The following HSD11B1L variants were observed in gnomAD, a reference collection of about 807,000 sequenced individuals.
The protein encoded by HSD11B1L is hydroxysteroid 11-beta dehydrogenase 1 like, also known as hydroxysteroid 11-beta-dehydrogenase 1-like protein.
In HSD11B1L, 22 loss-of-function variants were observed where a neutral mutation model predicts 27.0. That is an observed-to-expected ratio of 0.81 (90% CI 0.58 to 1.16). HSD11B1L has a LOEUF of 1.16. Ranked by LOEUF, HSD11B1L falls within the 50% of genes most tolerant of loss-of-function variation. The probability of loss-of-function intolerance (pLI) is 0.00; values close to 1 mark genes in which losing one functional copy is unlikely to be tolerated. For missense variants in HSD11B1L, 372 were observed against 401.8 expected (o/e 0.93, Z 0.63); for synonymous variants, 187 against 189.2 (o/e 0.99, Z 0.09).
chr19:5,687,814 GGC>G lies in HSD11B1L; in HGVS notation c.733_734del (p.Ala245HisfsTer72). 6.5e-7 allele frequency: 1 copy of G among 1,532,580 alleles called. No homozygotes were observed. Among genetic ancestry groups the G allele is most frequent in the Non-Finnish European group, 8.7e-7 (1 of 1,143,074 alleles). The allele number at this position is 1,532,580 out of a possible 1,614,324, so 94.9% of individuals were successfully genotyped here. A position where few individuals can be genotyped will look rare whatever the true frequency, so the allele number is the denominator to read the frequency against. The stretch of plus-strand genomic sequence containing the variant: ...GGCAGCCCTGGCCGTGATCCGCGGC[GGC>G]GCCACGCGCGCGGCCGGCGTCTTCT... ...PKAALAVIRG[G>X]ATRAAGVFYP... On this transcript the variant is annotated frameshift_variant, in exon 8 of 8. Coordinates refer to ENST00000339423, the MANE Select transcript of HSD11B1L (RefSeq NM_198706.3). LOFTEE classifies it high-confidence loss of function. This position sits in a 1 kb window ranked among gnomAD's most constrained non-coding sequence, Gnocchi z 6.6.
chr19:5,687,866 G>A lies in HSD11B1L; in HGVS notation c.782G>A (p.Cys261Tyr), dbSNP rs1427101641. 5.7e-6 allele frequency: 9 copies of A among 1,580,092 alleles called. No individual in the cohort carries two copies. Among genetic ancestry groups the A allele is most frequent in the Admixed American group, 1.7e-5 (1 of 57,272 alleles). The change falls in exon 8 of 8, where the codon TGC becomes TAC. Residue 261 changes from cysteine (C) to tyrosine (Y), a missense_variant. Cys to Tyr is a radical substitution (Grantham distance 194, BLOSUM62 -2). Transcript: ENST00000339423. The surrounding 1 kb of genome is among the most constrained non-coding windows in gnomAD (Gnocchi z 6.6). Reference sequence around the variant, plus strand: ...TACCCGTGGCGTTTCCGCCTGCTGTGCTTGCTCCGGCGCTGGCTACCGCGC... The same window carrying A: ...TACCCGTGGCGTTTCCGCCTGCTGTACTTGCTCCGGCGCTGGCTACCGCGC... Reference protein sequence around the residue: ...VFYPWRFRLLCLLRRWLPRPR... With the variant: ...VFYPWRFRLLYLLRRWLPRPR...
At position 5,688,127 on chromosome 19, in the gene HSD11B1L, G is replaced by A. The variant is rs2054760155; in HGVS notation, c.*182G>A. 3.2e-6 allele frequency: 5 copies of A among 1,551,174 alleles called. No individual in the cohort carries two copies. Among genetic ancestry groups the A allele is most frequent in the Non-Finnish European group, 4.4e-6 (5 of 1,147,002 alleles). On this transcript the variant is annotated 3_prime_UTR_variant, in exon 8 of 8. Transcript: ENST00000339423. ...CCTGGAACCAGTCACGGCTTGGGAG[G>A]TGCAGGTGCCCCGTGTTAGGCGCCT...
intron 1 of HSD11B1L, among the ~76,000 whole-genome samples, chr19:5,682,437 G>A (rs1459404330): frequency 6.6e-6 from 1 of 152,096 alleles, no homozygotes. Flanking sequence ...GAGAGGAAGG[G>A]ACAGCTGGGG....
intron 1 of HSD11B1L, among the ~76,000 whole-genome samples, chr19:5,682,092 T>G (rs983036514): frequency 2.6e-5 from 4 of 152,158 alleles, no homozygotes; most frequent in Admixed American, 6.5e-5. Flanking sequence ...GATTCATAGA[T>G]GGGGCCGTGG....
At chr19:5,686,802 C>G (rs983165081) in intron 4 of HSD11B1L, 98 bp from the exon 5 acceptor site, 4 of 1,049,572 alleles carry the variant, frequency 3.8e-6, no homozygotes, top group Non-Finnish European at 4.1e-6. Context: ...GGGCGGAGCT[C>G]GCTGGACCAG....
At position 5,685,405 on chromosome 19, in the gene HSD11B1L, G is replaced by C; in HGVS notation, c.204+286G>C. On this transcript the variant is annotated intron_variant, in intron 3 of 7. Transcript: ENST00000339423. The surrounding 1 kb of genome is among the most constrained non-coding windows in gnomAD (Gnocchi z 4.3). Reference sequence around the variant, plus strand: ...AGCCTGGCCAACATGGCGAAACCTGGTCTCTACTAAGAAGACAAAAATTAG... The same window carrying C: ...AGCCTGGCCAACATGGCGAAACCTGCTCTCTACTAAGAAGACAAAAATTAG... 1.9e-6 allele frequency: 1 copy of C among 536,804 alleles called. No individual in the cohort carries two copies. The highest frequency in any genetic ancestry group is 3.5e-6 in the Non-Finnish European group (1 of 284,134). The allele number at this position is 536,804 out of a possible 1,614,324, so 33.3% of individuals were successfully genotyped here. A position where few individuals can be genotyped will look rare whatever the true frequency, so the allele number is the denominator to read the frequency against.
At position 5,687,097 on chromosome 19, in the gene HSD11B1L, C is replaced by T; in HGVS notation, c.408+106C>T. ...CCTTCTCCAGGGAGGGCTCTCCACC[C>T]GTCCCGCCCCAGCCACGCCCCTCCT... On this transcript the variant is annotated intron_variant, in intron 5 of 7. Transcript: ENST00000339423. This position sits in a 1 kb window ranked among gnomAD's most constrained non-coding sequence, Gnocchi z 6.6. 8.6e-7 allele frequency: 1 copy of T among 1,167,454 alleles called. No homozygotes were observed. Among genetic ancestry groups the T allele is most frequent in the Non-Finnish European group, 1.2e-6 (1 of 826,078 alleles). 72.3% of individuals were successfully genotyped at this position (1,167,454 alleles called of 1,614,324 possible).
At chr19:5,683,962 A>G in intron 1 of HSD11B1L, 1 of 408,008 alleles carries the variant, frequency 2.5e-6, no homozygotes. Context: ...GAAGGAGGTC[A>G]CTGTTCTTTT....
chr19:5,687,995 A>G lies in HSD11B1L; in HGVS notation c.*50A>G. 3 of 1,551,490 alleles carry G rather than the reference A, an allele frequency of 1.9e-6. No homozygotes were observed. Among genetic ancestry groups the G allele is most frequent in the Non-Finnish European group, 1.7e-6 (2 of 1,147,032 alleles). ...CCAGACGGCAATGTTCCTCCCTCCA[A>G]CTGTCCCTGGAGCCAGAACACTCAC... On this transcript the variant is annotated 3_prime_UTR_variant, in exon 8 of 8. Coordinates refer to ENST00000339423, the MANE Select transcript of HSD11B1L (RefSeq NM_198706.3). The surrounding 1 kb of genome is among the most constrained non-coding windows in gnomAD (Gnocchi z 6.6).
chr19:5,684,053 A>G (rs2145545052), intron 1 of HSD11B1L: 1 of 484,698 alleles, frequency 2.1e-6, no homozygotes, highest in Non-Finnish European at 3.7e-6. Context: ...TCGGCACACT[A>G]CAACTTCTGC....
Position 5,685,253 on chromosome 19 carries a change from C to A in HSD11B1L, c.204+134C>A. 8.3e-7 allele frequency: 1 copy of A among 1,199,100 alleles called. No individual in the cohort carries two copies. The highest frequency in any genetic ancestry group is 1.2e-6 in the Non-Finnish European group (1 of 840,028). The allele number at this position is 1,199,100 out of a possible 1,614,324, so 74.3% of individuals were successfully genotyped here. A position where few individuals can be genotyped will look rare whatever the true frequency, so the allele number is the denominator to read the frequency against. On this transcript the variant is annotated intron_variant, in intron 3 of 7. Transcript: ENST00000339423. This position sits in a 1 kb window ranked among gnomAD's most constrained non-coding sequence, Gnocchi z 4.3. ...AGTCGCCTAACCTCTCTGAGCCTCT[C>A]AGTTTCCTCATTTGCAAAACGGGGA...
chr19:5,684,954 C>T (rs1207198216), intron 2 of HSD11B1L, 35 bp from the exon 3 acceptor site: 1 of 1,612,670 alleles, frequency 6.2e-7, no homozygotes, highest in East Asian at 2.2e-5. Context: ...GCTGTCCTGT[C>T]CTCCGCCCAG....
intron 1 of HSD11B1L, among the ~76,000 whole-genome samples, chr19:5,682,453 C>A (rs940321824): frequency 2.0e-5 from 3 of 151,938 alleles, no homozygotes; most frequent in African/African-American, 7.3e-5. Context: ...TGGGGAGAGA[C>A]TGGAGAGGGA....
Position 5,687,032 on chromosome 19 carries a change from C to A in HSD11B1L, c.408+41C>A. The A allele has an allele frequency of 1.3e-6, 2 of 1,488,716 alleles. No homozygotes were observed. The highest frequency in any genetic ancestry group is 1.8e-6 in the Non-Finnish European group (2 of 1,100,468). The allele number at this position is 1,488,716 out of a possible 1,614,324, so 92.2% of individuals were successfully genotyped here. On this transcript the variant is annotated intron_variant, in intron 5 of 7. Coordinates refer to ENST00000339423, the MANE Select transcript of HSD11B1L (RefSeq NM_198706.3). This position sits in a 1 kb window ranked among gnomAD's most constrained non-coding sequence, Gnocchi z 6.6. ...GCGGCCCCGGCCCGCCCCTCTATCT[C>A]AGGGACCGGTGGTCCGTTCCCTTCG...
Position 5,685,052 on chromosome 19 carries a change from C to G in HSD11B1L, c.137C>G (p.Ala46Gly). The change falls in exon 3 of 8, where the codon GCC becomes GGC. Residue 46 changes from alanine (A) to glycine (G), a missense_variant. By Grantham distance (60) the Ala-to-Gly change is moderately conservative. Coordinates refer to ENST00000339423, the MANE Select transcript of HSD11B1L (RefSeq NM_198706.3). This position sits in a 1 kb window ranked among gnomAD's most constrained non-coding sequence, Gnocchi z 4.3. ...GANAGVGEEL[A>G]YHYARLGSHL... ...AACGCTGGTGTTGGTGAGGAGCTGGCCTATCACTACGCGCGTCTGGGCTCC... is the reference window on the plus strand; with the variant it reads ...AACGCTGGTGTTGGTGAGGAGCTGGGCTATCACTACGCGCGTCTGGGCTCC... 1 of 1,562,520 alleles carries G rather than the reference C, an allele frequency of 6.4e-7. No homozygotes were observed. The highest frequency in any genetic ancestry group is 8.7e-7 in the Non-Finnish European group (1 of 1,153,268).
intron 3 of HSD11B1L, 110 bp from the exon 4 acceptor site, chr19:5,686,306 A>C: frequency 1.4e-6 from 1 of 719,082 alleles, no homozygotes; most frequent in Middle Eastern, 4.0e-4. Context: ...CCCGAGGCTC[A>C]GAGTAGGGGG....
chr19:5,684,083 C>A (rs1012371146), intron 1 of HSD11B1L: 2 of 473,600 alleles, frequency 4.2e-6, no homozygotes, highest in Non-Finnish European at 7.6e-6. Context: ...TCAAGCGATT[C>A]TCCTGCCTCA....
rs562357455 is a variant in HSD11B1L at position 5,686,405 on chromosome 19, GC to G, written c.205-3del. On this transcript the variant is annotated splice_polypyrimidine_tract_variant and intron_variant, in intron 3 of 7. Transcript: ENST00000339423. ...GAGGAGAGGCCCACGGGCAGCTCTG[GC>G]CCCCCCCAGGTGGTAGGGAACTGCC... The G allele has an allele frequency of 2.7e-5, 41 of 1,527,810 alleles. No homozygotes were observed. Among genetic ancestry groups the G allele is most frequent in the African/African-American group, 1.1e-4 (8 of 73,264 alleles). 94.6% of individuals were successfully genotyped at this position (1,527,810 alleles called of 1,614,324 possible).
At chr19:5,681,755 T>C (rs767191297) in intron 1 of HSD11B1L, among the ~76,000 whole-genome samples, 4 of 150,382 alleles carry the variant, frequency 2.7e-5, no homozygotes, top group Non-Finnish European at 4.4e-5. Flanking sequence ...CACCCATACA[T>C]CTCTCCGTCC....
Sources: allele counts gnomAD v4.1 joint callset (sites outside exome capture counted in the v4.1 genomes callset), GRCh38; gene constraint gnomAD v4.1.1; non-coding constraint Gnocchi (gnomAD v3.1); transcripts MANE v1.5; gene names NCBI Gene and HGNC (gene_info 2026-07-23, HGNC 2026-07-21).